NHSL3: variants seen among roughly 807,000 people sequenced by gnomAD.
NHSL3 encodes the protein NHS like 3.
the NHSL3 span, chr1:32,754,142 G>C: frequency 1.4e-6 from 1 of 712,468 alleles, no homozygotes; most frequent in African/African-American, 1.8e-5. Flanking sequence ...CGGGTCCGCA[G>C]CTTCTGGCGG....
chr1:32,749,123 G>A, the NHSL3 span, among the ~76,000 whole-genome samples: 10 of 152,196 alleles, frequency 6.6e-5, no homozygotes, highest in African/African-American at 2.2e-4. Context: ...GGGAAGCACA[G>A]CAATCTCTGA....
chr1:32,758,757 T>G, the NHSL3 span, among the ~76,000 whole-genome samples: 2 of 151,992 alleles, frequency 1.3e-5, no homozygotes, highest in African/African-American at 2.4e-5. Context: ...ACATCTCAGA[T>G]GAAGAAACTG....
the NHSL3 span, among the ~76,000 whole-genome samples, chr1:32,753,578 C>T: frequency 2.6e-5 from 4 of 152,234 alleles, no homozygotes; most frequent in Non-Finnish European, 5.9e-5. Context: ...GAGCCTGGCA[C>T]ATAGTAAACA....
At chr1:32,748,547 T>C in the NHSL3 span, among the ~76,000 whole-genome samples, 2 of 152,292 alleles carry the variant, frequency 1.3e-5, no homozygotes, top group South Asian at 4.2e-4. Flanking sequence ...TGCTATCCAG[T>C]GAACTCCTAT....
chr1:32,756,197 A>G, the NHSL3 span, among the ~76,000 whole-genome samples: 1 of 152,256 alleles, frequency 6.6e-6, no homozygotes, highest in Non-Finnish European at 1.5e-5. Context: ...CAATATATCA[A>G]AAGCCTTCTG....
the NHSL3 span, chr1:32,770,472 C>T: frequency 1.3e-6 from 2 of 1,595,948 alleles, no homozygotes; most frequent in Non-Finnish European, 1.7e-6. This position sits in a 1 kb window ranked among gnomAD's most constrained non-coding sequence, Gnocchi z 8.3. Context: ...ACGGTTCCAC[C>T]CTCTCCTCTA....
At chr1:32,771,910 C>A in the NHSL3 span, 1 of 1,592,946 alleles carries the variant, frequency 6.3e-7, no homozygotes, top group Non-Finnish European at 8.6e-7. Context: ...CCCCCAGAAA[C>A]CACTGCGAAG....
chr1:32,754,642 G>T, the NHSL3 span, among the ~76,000 whole-genome samples: 3 of 152,124 alleles, frequency 2.0e-5, no homozygotes, highest in African/African-American at 7.2e-5. Flanking sequence ...GCACACAGAT[G>T]TACACACAGG....
At chr1:32,760,261 C>T in the NHSL3 span, among the ~76,000 whole-genome samples, 1 of 152,188 alleles carries the variant, frequency 6.6e-6, no homozygotes, top group South Asian at 2.1e-4. Context: ...CCCCTTCATT[C>T]CTCTCCCCTG....
the NHSL3 span, chr1:32,773,069 C>A: frequency 1.6e-6 from 1 of 634,858 alleles, no homozygotes; most frequent in Admixed American, 2.5e-5. Context: ...TCAGAGTCAT[C>A]CTGCGCTCAT....
the NHSL3 span, chr1:32,770,873 G>C: frequency 6.2e-7 from 1 of 1,608,886 alleles, no homozygotes; most frequent in South Asian, 1.1e-5. The surrounding 1 kb of genome is among the most constrained non-coding windows in gnomAD (Gnocchi z 8.3). Flanking sequence ...TTGTCTCCGG[G>C]TGGTTCCCGG....
chr1:32,758,342 G>T, the NHSL3 span, among the ~76,000 whole-genome samples: 6 of 152,156 alleles, frequency 3.9e-5, no homozygotes, highest in African/African-American at 1.4e-4. Context: ...TTCCCATTGT[G>T]CACATGGGGA....
At chr1:32,767,897 C>T in the NHSL3 span, 8,236 of 1,614,040 alleles carry the variant, frequency 5.1e-3, 307 homozygotes, top group African/African-American at 0.085. Context: ...TGGGCGACCC[C>T]CCCACCTGGA....
At chr1:32,768,499 G>A in the NHSL3 span, among the ~76,000 whole-genome samples, 1 of 152,136 alleles carries the variant, frequency 6.6e-6, no homozygotes, top group Non-Finnish European at 1.5e-5. Flanking sequence ...AGAGGCTGAG[G>A]CAGGATAATC....
chr1:32,742,228 T>C, the NHSL3 span: 1 of 1,238,368 alleles, frequency 8.1e-7, no homozygotes, highest in Non-Finnish European at 1.0e-6. Flanking sequence ...CGGGGGGGCG[T>C]CGAGGGTGCG....
At chr1:32,751,100 C>A in the NHSL3 span, among the ~76,000 whole-genome samples, 1 of 152,156 alleles carries the variant, frequency 6.6e-6, no homozygotes, top group Admixed American at 6.5e-5. Flanking sequence ...CATGAGCCAC[C>A]GTGCCTGGCC....
the NHSL3 span, chr1:32,770,003 T>G: frequency 6.2e-7 from 1 of 1,602,916 alleles, no homozygotes; most frequent in East Asian, 2.2e-5. This position sits in a 1 kb window ranked among gnomAD's most constrained non-coding sequence, Gnocchi z 8.3. Flanking sequence ...CGGGTGTCCC[T>G]GCAGGCGCTG....
chr1:32,747,209 A>G, the NHSL3 span, among the ~76,000 whole-genome samples: 1 of 150,006 alleles, frequency 6.7e-6, no homozygotes, highest in African/African-American at 2.5e-5. Flanking sequence ...TTTTTGAGAC[A>G]GAGTCTCACT....
the NHSL3 span, chr1:32,771,099 A>G: frequency 6.8e-6 from 11 of 1,612,964 alleles, no homozygotes; most frequent in Admixed American, 6.7e-5. Flanking sequence ...CCTCTGACCC[A>G]GCCCCCTCAG....
Sources: allele counts gnomAD v4.1 joint callset (sites outside exome capture counted in the v4.1 genomes callset), GRCh38; gene constraint gnomAD v4.1.1; non-coding constraint Gnocchi (gnomAD v3.1); transcripts MANE v1.5; gene names NCBI Gene and HGNC (gene_info 2026-07-23, HGNC 2026-07-21).